CCT5: variants seen among roughly 807,000 people sequenced by gnomAD.
The protein encoded by CCT5 is chaperonin containing TCP1 subunit 5, also known as T-complex protein 1 subunit epsilon.
A neutral mutation model predicts 55.0 loss-of-function variants in CCT5; 6 were observed. That is an observed-to-expected ratio of 0.11 (90% confidence interval 0.06 to 0.22). The LOEUF (loss-of-function observed/expected upper bound fraction) is 0.22. CCT5 is among the 10% of genes least tolerant of loss of function. The pLI, the probability that CCT5 is intolerant of heterozygous loss-of-function variation, is 1.00. For synonymous variants in CCT5, 231 were observed against 243.7 expected, an observed-to-expected ratio of 0.95 and a Z score of 0.49; for missense variants, 560 against 694.6, an observed-to-expected ratio of 0.81 and a Z score of 2.18.
chr5:10,254,907 G>C lies in CCT5; in HGVS notation c.331+69G>C, dbSNP rs1745598218. On this transcript the variant is annotated intron_variant, in intron 3 of 10. Coordinates refer to ENST00000280326, the MANE Select transcript of CCT5 (RefSeq NM_012073.5). Reference sequence around the variant, plus strand: ...TTAAGACCACAGGGCTAACATGCCTGCTGAGATTGTTGTCTCTGAATCAGA... The same window carrying C: ...TTAAGACCACAGGGCTAACATGCCTCCTGAGATTGTTGTCTCTGAATCAGA... 6.8e-6 allele frequency: 9 copies of C among 1,322,360 alleles called. No homozygotes were observed. In the South Asian group the frequency reaches 1.1e-4, roughly 16 times the overall value. The allele number at this position is 1,322,360 out of a possible 1,614,324, so 81.9% of individuals were successfully genotyped here. A position where few individuals can be genotyped will look rare whatever the true frequency, so the allele number is the denominator to read the frequency against.
chr5:10,251,507 C>T (rs1004685545), intron 1 of CCT5, among the ~76,000 whole-genome samples: 1 of 152,154 alleles, frequency 6.6e-6, no homozygotes, highest in Admixed American at 6.5e-5. Flanking sequence ...CACTAGGTCT[C>T]TCAGGTGTCC....
chr5:10,254,901 A>T, intron 3 of CCT5, 63 bp downstream of exon 3: 1 of 1,374,594 alleles, frequency 7.3e-7, no homozygotes, highest in Non-Finnish European at 1.0e-6. Flanking sequence ...CAGGGCTAAC[A>T]TGCCTGCTGA....
intron 3 of CCT5, chr5:10,255,059 A>G (rs1745605207): frequency 5.3e-6 from 3 of 562,824 alleles, no homozygotes; most frequent in Non-Finnish European, 9.6e-6. Flanking sequence ...GAAATGTGTA[A>G]TGATTGATTG....
intron 2 of CCT5, chr5:10,254,441 A>C: frequency 1.6e-6 from 1 of 607,534 alleles, no homozygotes; most frequent in Non-Finnish European, 2.9e-6. Context: ...AGCATTTTCC[A>C]AATCATAGTT....
upstream of CCT5, chr5:10,249,936 C>T (rs966223659): frequency 2.1e-5 from 7 of 334,560 alleles, no homozygotes; most frequent in African/African-American, 8.8e-5. Context: ...AAAAAAAAAC[C>T]GGAAATGGGT....
Position 10,255,773 on chromosome 5 carries a change from G to A in CCT5, c.332-182G>A, listed in dbSNP as rs373055807. On this transcript the variant is annotated intron_variant, in intron 3 of 10. Coordinates refer to ENST00000280326, the MANE Select transcript of CCT5 (RefSeq NM_012073.5). ...CTGTAAGGGGACACATGTCCTATTC[G>A]ACCTTCGCTAGAACTAAAACGAGGC... Among the ~76,000 whole-genome samples, 10 of 152,238 alleles carry A rather than the reference G, an allele frequency of 6.6e-5. No individual in the cohort carries two copies. In the East Asian group the frequency reaches 9.6e-4, roughly 15 times the overall value.
At chr5:10,261,504 T>A in intron 7 of CCT5, 56 bp from the exon 8 acceptor site, 1 of 1,562,182 alleles carries the variant, frequency 6.4e-7, no homozygotes, top group Non-Finnish European at 8.8e-7. Flanking sequence ...GGCCCAGTTT[T>A]GAAAGTTAAC....
chr5:10,262,521 G>T lies in CCT5; in HGVS notation c.1220G>T (p.Cys407Phe). The T allele has an allele frequency of 6.2e-7, 1 of 1,614,232 alleles. No homozygotes were observed. Among genetic ancestry groups the T allele is most frequent in the Non-Finnish European group, 8.5e-7 (1 of 1,180,038 alleles). Residue 407 changes from cysteine to phenylalanine, a missense_variant, in exon 9 of 11, where the codon TGT becomes TTT. Transcript: ENST00000280326. ...EAKRSLHDALCVIRNLIRDNR... is the reference protein window; with the variant it reads ...EAKRSLHDALFVIRNLIRDNR... ...AAACGATCCCTTCACGATGCTTTGT[G>T]TGTCATCCGGAACCTCATCCGCGAT...
Position 10,253,171 on chromosome 5 carries a change from C to CA in CCT5, c.106-965dup, listed in dbSNP as rs201542419. On this transcript the variant is annotated intron_variant, in intron 1 of 10. Transcript: ENST00000280326. ...CAAAACCCTATCTCTACTGAAAATA[C>CA]AAAAAAAAATGAGCAGGGCGTCATG... is the stretch of plus-strand genomic sequence containing the variant. Among the ~76,000 whole-genome samples, 552 of 150,738 alleles carry CA rather than the reference C, an allele frequency of 3.7e-3. 1 individual carries two copies. Among genetic ancestry groups the CA allele is most frequent in the African/African-American group, 5.0e-3 (204 of 41,118 alleles).
chr5:10,250,801 G>A, intron 1 of CCT5: 1 of 1,155,320 alleles, frequency 8.7e-7, no homozygotes, highest in South Asian at 2.3e-5. Flanking sequence ...GCGCCGGGGA[G>A]ATGCTCTGTC....
chr5:10,256,474 T>A (rs951849407), intron 4 of CCT5, among the ~76,000 whole-genome samples: 2 of 152,174 alleles, frequency 1.3e-5, no homozygotes, highest in Non-Finnish European at 2.9e-5. Flanking sequence ...CTCAGCACTT[T>A]AGGAGGCCAA....
intron 1 of CCT5, chr5:10,250,847 C>A: frequency 9.5e-7 from 1 of 1,057,116 alleles, no homozygotes; most frequent in South Asian, 3.2e-5. Flanking sequence ...TAACCTTTCG[C>A]TGGTCCACCC....
chr5:10,251,922 C>T (rs1745442726), intron 1 of CCT5, among the ~76,000 whole-genome samples: 1 of 152,138 alleles, frequency 6.6e-6, no homozygotes, highest in Admixed American at 6.5e-5. Flanking sequence ...CATTTGTGCC[C>T]AGAAGTCGCA....
At chr5:10,254,049 A>ACT (rs1745556983) in intron 1 of CCT5, 96 bp from the exon 2 acceptor site, 1 of 832,654 alleles carries the variant, frequency 1.2e-6, no homozygotes, top group Admixed American at 1.8e-5. Context: ...GACAATAGAA[A>ACT]CTAAGTCATA....
intron 3 of CCT5, 57 bp downstream of exon 3, chr5:10,254,895 G>A: frequency 7.0e-7 from 1 of 1,427,800 alleles, no homozygotes; most frequent in Non-Finnish European, 9.9e-7. Context: ...AGACCACAGG[G>A]CTAACATGCC....
intron 4 of CCT5, among the ~76,000 whole-genome samples, chr5:10,257,170 A>G (rs1745725544): frequency 6.6e-6 from 1 of 152,194 alleles, no homozygotes; most frequent in Non-Finnish European, 1.5e-5. Flanking sequence ...AATGCAGGAA[A>G]AGTGTCTGCT....
chr5:10,263,373 A>G, intron 10 of CCT5, 59 bp downstream of exon 10: 2 of 1,457,500 alleles, frequency 1.4e-6, no homozygotes, highest in Non-Finnish European at 1.9e-6. Flanking sequence ...AAACTGAATA[A>G]TCATCCACTG....
chr5:10,257,907 G>A (rs1745762133), intron 4 of CCT5: 1 of 608,110 alleles, frequency 1.6e-6, no homozygotes, highest in Non-Finnish European at 2.9e-6. Context: ...TCCTATCTAA[G>A]TATACAGTCC....
intron 8 of CCT5, 183 bp downstream of exon 8, chr5:10,261,928 C>T (rs1232909213): frequency 1.5e-6 from 1 of 676,562 alleles, no homozygotes; most frequent in Non-Finnish European, 2.7e-6. Flanking sequence ...TCACAAGGCA[C>T]ATTTGCCTTT....
Sources: gnomAD v4.1 joint callset for allele counts (sites outside exome capture counted in the v4.1 genomes callset) on GRCh38, gnomAD v4.1.1 for gene constraint, MANE v1.5 for transcripts, NCBI Gene and HGNC (gene_info 2026-07-23, HGNC 2026-07-21) for gene names.